The following STRBP variants were observed in gnomAD, a reference collection of about 807,000 sequenced individuals.
STRBP encodes the protein spermatid perinuclear RNA-binding protein.
In STRBP, 13 loss-of-function variants were observed where a neutral mutation model predicts 80.1. The observed-to-expected ratio is 0.16, with a 90% CI of 0.11 to 0.26. The LOEUF (loss-of-function observed/expected upper bound fraction) is 0.26, where lower values mean the gene tolerates loss of function less well. Among genes scored for constraint, STRBP ranks in the 10% least tolerant of loss-of-function variants. STRBP has a pLI of 1.00. For missense variants in STRBP, 485 were observed against 815.2 expected, an observed-to-expected ratio of 0.59 and a Z score of 4.93; for synonymous variants, 284 against 291.2, an observed-to-expected ratio of 0.98 and a Z score of 0.25.
chr9:123,268,125 C>T (rs1389855228), intron 1 of STRBP, among the ~76,000 whole-genome samples: 1 of 151,716 alleles, frequency 6.6e-6, no homozygotes, highest in Non-Finnish European at 1.5e-5. Context: ...CGTCCCCCAA[C>T]CCTGCCCACG....
At chr9:123,156,680 A>G (rs1254396159) in intron 11 of STRBP, among the ~76,000 whole-genome samples, 1 of 141,682 alleles carries the variant, frequency 7.1e-6, no homozygotes, top group Non-Finnish European at 1.5e-5. Context: ...AAAAAGGCCA[A>G]AAAAAAAAAA....
At chr9:123,185,446 G>T (rs1219761986) in intron 2 of STRBP, among the ~76,000 whole-genome samples, 1 of 151,956 alleles carries the variant, frequency 6.6e-6, no homozygotes, top group African/African-American at 2.4e-5. Flanking sequence ...TAATAAATGG[G>T]ACTTACTTTA....
chr9:123,260,627 G>T (rs1225607147), intron 1 of STRBP, among the ~76,000 whole-genome samples: 1 of 152,114 alleles, frequency 6.6e-6, no homozygotes, highest in African/African-American at 2.4e-5. Context: ...AAATAATGTT[G>T]TGGTTACGTG....
chr9:123,143,560 AAAC>A (rs1341628106), intron 13 of STRBP, among the ~76,000 whole-genome samples: 1 of 152,270 alleles, frequency 6.6e-6, no homozygotes, highest in Admixed American at 6.5e-5. Context: ...GCTCAATTAT[AAAC>A]AACGCATAAC....
chr9:123,183,376 G>C (rs1471148845), intron 3 of STRBP, among the ~76,000 whole-genome samples: 1 of 152,000 alleles, frequency 6.6e-6, no homozygotes, highest in Non-Finnish European at 1.5e-5. Flanking sequence ...GACGGAGGTT[G>C]CAGTGAGCCG....
intron 11 of STRBP, among the ~76,000 whole-genome samples, chr9:123,155,698 C>T (rs2037253995): frequency 6.6e-6 from 1 of 151,844 alleles, no homozygotes; most frequent in South Asian, 2.1e-4. Flanking sequence ...AATACAGGTA[C>T]AGTTATTGAT....
intron 1 of STRBP, among the ~76,000 whole-genome samples, chr9:123,265,225 G>A (rs943406537): frequency 2.6e-5 from 4 of 151,610 alleles, no homozygotes; most frequent in East Asian, 1.9e-4. Flanking sequence ...AACGGATTCC[G>A]ATTACTTAAA....
At chr9:123,113,969 C>T (rs2132275803) in intron 3 of STRBP, 1 of 167,176 alleles carries the variant, frequency 6.0e-6, no homozygotes, top group East Asian at 1.9e-4. Flanking sequence ...GCTATCTGGC[C>T]CTTTACAGAA....
intron 2 of STRBP, among the ~76,000 whole-genome samples, chr9:123,220,142 A>G (rs968872030): frequency 6.6e-6 from 1 of 152,262 alleles, no homozygotes; most frequent in Non-Finnish European, 1.5e-5. Context: ...GCATATGGGT[A>G]AATCTAAGTG....
intron 2 of STRBP, among the ~76,000 whole-genome samples, chr9:123,202,507 CT>C (rs1328211589): frequency 1.3e-5 from 2 of 152,178 alleles, no homozygotes; most frequent in Non-Finnish European, 2.9e-5. Flanking sequence ...GACAGTTGTT[CT>C]GTTTAAAGAG....
rs2038346324 is a variant in STRBP, at chr9:123,179,113, A to G, written c.118T>C (p.Cys40Arg). ...CAATCTGAGACATGTTTAAGAGCAC[A>G]TTCAACAGTAGATACCATATTCTGA... ...AVQNMVSTVECALKHVSDWLD... is the reference protein window; with the variant it reads ...AVQNMVSTVERALKHVSDWLD... The change falls in exon 4 of 19, where the codon TGT becomes CGT. Residue 40 changes from cysteine to arginine, a missense_variant. Physicochemically the swap from Cys to Arg is radical, Grantham distance 180. Around this residue, in one of 3 missense-constraint regions of STRBP, gnomAD observed 377 missense variants for 616.1 expected, o/e 0.61. Transcript: ENST00000348403. 1 of 1,614,046 alleles carries G rather than the reference A, an allele frequency of 6.2e-7. No individual in the cohort carries two copies. Among genetic ancestry groups the G allele is most frequent in the Non-Finnish European group, 8.5e-7 (1 of 1,180,006 alleles).
chr9:123,140,084 C>T (rs182551401), intron 13 of STRBP, among the ~76,000 whole-genome samples: 21 of 152,270 alleles, frequency 1.4e-4, no homozygotes, highest in Non-Finnish European at 1.6e-4. Flanking sequence ...AGAGTCTAAT[C>T]CTGTATTTCT....
chr9:123,232,339 C>T (rs2040422249), intron 2 of STRBP, among the ~76,000 whole-genome samples: 4 of 151,990 alleles, frequency 2.6e-5, no homozygotes, highest in Admixed American at 1.3e-4. Flanking sequence ...AAACCTTAGC[C>T]GACAATTTCT....
intron 13 of STRBP, among the ~76,000 whole-genome samples, chr9:123,144,090 C>T (rs2036706146): frequency 6.6e-6 from 1 of 151,232 alleles, no homozygotes; most frequent in South Asian, 2.1e-4. Context: ...CCCAGCTACC[C>T]AGGAGGCTGA....
Position 123,147,049 on chromosome 9 carries a change from C to A in STRBP, c.1144G>T (p.Asp382Tyr), listed in dbSNP as rs772702325. ...TTCATAAGGTCTATTGCTTTACTAT[C>A]CAGAACTGTTAAAGAAAGAGGAATG... ...KMKRNLRKIL[D>Y]SKAIDLMNAL... Residue 382 changes from aspartate (D) to tyrosine (Y), a missense_variant, in exon 13 of 19, where the codon GAT (aspartate) becomes TAT (tyrosine). Asp to Tyr is a radical substitution (Grantham distance 160, BLOSUM62 -3). Coordinates refer to ENST00000348403, the MANE Select transcript of STRBP (RefSeq NM_018387.5). 5.0e-6 allele frequency: 8 copies of A among 1,612,064 alleles called. No individual in the cohort carries two copies. The highest frequency in any genetic ancestry group is 6.8e-6 in the Non-Finnish European group (8 of 1,178,764).
chr9:123,150,362 A>G (rs1036675067), intron 11 of STRBP, among the ~76,000 whole-genome samples: 5 of 152,170 alleles, frequency 3.3e-5, no homozygotes, highest in East Asian at 3.8e-4. Flanking sequence ...GGGCAAAACA[A>G]ACAATAAGTA....
intron 2 of STRBP, among the ~76,000 whole-genome samples, chr9:123,193,476 C>T (rs1378350827): frequency 1.3e-5 from 2 of 152,150 alleles, no homozygotes. Flanking sequence ...TCCCCCAAAC[C>T]CTATCCCATT....
rs1375596510 is a variant in STRBP at position 123,128,252 on chromosome 9, C to G, written c.1904G>C (p.Gly635Ala). ...AAPGYIAPGY[G>A]TPYGYSTAAP... ...AGCTGTGCTGTAACCATATGGTGTTCCATAGCCTAGTGCAAAGAAGAAGAA... is the reference window on the plus strand; with the variant it reads ...AGCTGTGCTGTAACCATATGGTGTTGCATAGCCTAGTGCAAAGAAGAAGAA... Residue 635 changes from glycine (G) to alanine (A), a missense_variant, in exon 18 of 19, where the codon GGA (glycine) becomes GCA (alanine). Coordinates refer to ENST00000348403, the MANE Select transcript of STRBP (RefSeq NM_018387.5). The G allele has an allele frequency of 6.3e-5, 102 of 1,614,030 alleles. No individual in the cohort carries two copies. The highest frequency in any genetic ancestry group is 8.4e-5 in the Non-Finnish European group (99 of 1,180,030).
chr9:123,237,652 T>A (rs538321589), intron 1 of STRBP, among the ~76,000 whole-genome samples: 8 of 151,930 alleles, frequency 5.3e-5, no homozygotes, highest in Admixed American at 5.3e-4. Context: ...GACAGCCACA[T>A]GCTGATGTGG....
Sources: gnomAD v4.1 joint callset for allele counts (sites outside exome capture counted in the v4.1 genomes callset) on GRCh38, gnomAD v4.1.1 for gene constraint, gnomAD v4.1.1 regional missense constraint, MANE v1.5 for transcripts, NCBI Gene and HGNC (gene_info 2026-07-23, HGNC 2026-07-21) for gene names.